The following NPC1 variants were observed in gnomAD, a reference collection of about 807,000 sequenced individuals.
NPC1 encodes Niemann-Pick C1 protein.
In NPC1, 85 loss-of-function variants were observed where a neutral mutation model predicts 140.4. The ratio of observed to expected loss-of-function variants is 0.61; its 90% confidence interval spans 0.51 to 0.72. NPC1 has a LOEUF of 0.72. Ranked by LOEUF, NPC1 falls within the 30% of genes least tolerant of loss-of-function variation. NPC1 has a pLI of 0.00. For missense variants in NPC1, 1,504 were observed against 1,623.8 expected (o/e 0.93, Z 1.27); for synonymous variants, 656 against 624.8 (o/e 1.05, Z -0.74).
chr18:23,561,985 G>A (rs928737854), intron 4 of NPC1, among the ~76,000 whole-genome samples: 2 of 152,136 alleles, frequency 1.3e-5, no homozygotes, highest in Non-Finnish European at 2.9e-5. Flanking sequence ...CAGAGGTCAC[G>A]TGTCAATAAA....
At chr18:23,550,795 C>T (rs1350450386) in intron 10 of NPC1, among the ~76,000 whole-genome samples, 2 of 152,136 alleles carry the variant, frequency 1.3e-5, no homozygotes, top group Non-Finnish European at 2.9e-5. Context: ...CCAGTTCTTA[C>T]ATTTCAATCT....
chr18:23,533,803 G>A, intron 23 of NPC1: 1 of 433,416 alleles, frequency 2.3e-6, no homozygotes, highest in Non-Finnish European at 4.3e-6. Context: ...ACCGTGGCCA[G>A]CCCTTATGGG....
rs1296661146 is a variant in NPC1, at chr18:23,556,235, C to G, written c.1326+8G>C. 1 of 1,613,348 alleles carries G rather than the reference C, an allele frequency of 6.2e-7. No individual in the cohort carries two copies. Among genetic ancestry groups the G allele is most frequent in the Non-Finnish European group, 8.5e-7 (1 of 1,179,500 alleles). On this transcript the variant is annotated splice_region_variant and intron_variant, in intron 8 of 24. Transcript: ENST00000269228. ...TAGAGTGACTTATTTCTTCAAACAG[C>G]AGGTTACCTGGTGCAGTATCTGTAT...
chr18:23,516,099 G>T (rs1035863297), intron 3 of NPC1: 14 of 1,534,202 alleles, frequency 9.1e-6, no homozygotes, highest in Non-Finnish European at 1.2e-5. Flanking sequence ...TCCTCTAGCC[G>T]TAACGTCACC....
rs1363776523 is a variant in NPC1, at chr18:23,533,428, C to T, written c.3681G>A (p.Arg1227=). 6.2e-7 allele frequency: 1 copy of T among 1,614,084 alleles called. No homozygotes were observed. Among genetic ancestry groups the T allele is most frequent in the Admixed American group, 1.7e-5 (1 of 60,022 alleles). Residue 1227 remains arginine, a synonymous_variant, in exon 24 of 25, where the codon AGG becomes AGA. Transcript: ENST00000269228. Reference sequence around the variant, plus strand: ...CCAGTAAGACCATGGCCAAATACATCCTGAAGTAGAATATCTGGAAAATTT... The same window carrying T: ...CCAGTAAGACCATGGCCAAATACATTCTGAAGTAGAATATCTGGAAAATTT... The part of the protein sequence containing the change: ...KSQIFQIFYF[R]MYLAMVLLGA...
At position 23,543,333 on chromosome 18, in the gene NPC1, A is replaced by AGAAAAAAAAAAAAG; in HGVS notation, c.2245+121_2245+122insCTTTTTTTTTTTTC. On this transcript the variant is annotated intron_variant, in intron 14 of 24. Transcript: ENST00000269228. ...GGCAGAGTGAGACTCCGTCTCAGAG[A>AGAAAAAAAAAAAAG]AAAAAAAAAAAAAGAAAAAAAAAAA... 5 of 250,332 alleles carry AGAAAAAAAAAAAAG rather than the reference A, an allele frequency of 2.0e-5. No individual in the cohort carries two copies. The African/African-American group carries it at 2.5e-4, about 13-fold the overall frequency. 15.5% of individuals were successfully genotyped at this position (250,332 alleles called of 1,614,324 possible). A position where few individuals can be genotyped will look rare whatever the true frequency, so the allele number is the denominator to read the frequency against.
rs375327908 is a variant in NPC1, at chr18:23,576,457, A to G, written c.58-2883T>C. The G allele has an allele frequency of 1.8e-5, 18 of 985,890 alleles. No homozygotes were observed. In the African/African-American group the frequency reaches 2.3e-4, roughly 12 times the overall value. The allele number at this position is 985,890 out of a possible 1,614,324, so 61.1% of individuals were successfully genotyped here. A position where few individuals can be genotyped will look rare whatever the true frequency, so the allele number is the denominator to read the frequency against. ...TCATCCTGCCGAAAGAAGCAACCTA[A>G]GCCAGCAGGACCCAAAGACTTACAA... On this transcript the variant is annotated intron_variant, in intron 1 of 24. Transcript: ENST00000269228.
downstream of NPC1, chr18:23,529,719 T>C (rs2058428154): frequency 6.2e-7 from 1 of 1,608,726 alleles, no homozygotes; most frequent in Non-Finnish European, 8.5e-7. Context: ...ACAGGTACCT[T>C]CAAATCATCT....
downstream of NPC1, among the ~76,000 whole-genome samples, chr18:23,527,144 G>C (rs2058321671): frequency 6.7e-6 from 1 of 150,134 alleles, no homozygotes; most frequent in African/African-American, 2.5e-5. Flanking sequence ...AGCACTCTGG[G>C]AGGCTGAAGC....
chr18:23,518,967 A>G (rs762774870), downstream of NPC1: 6 of 1,614,146 alleles, frequency 3.7e-6, no homozygotes, highest in East Asian at 2.2e-5. Flanking sequence ...GTGGTCCTCT[A>G]TCATCTACCA....
At chr18:23,543,381 T>C (rs1304342098) in intron 14 of NPC1, 74 bp downstream of exon 14, 2 of 821,774 alleles carry the variant, frequency 2.4e-6, no homozygotes, top group East Asian at 2.5e-5. Context: ...CAAAGGGACA[T>C]GTTCAGGTAG....
downstream of NPC1, among the ~76,000 whole-genome samples, chr18:23,517,644 TTTATGGTAG>T (rs1261665826): frequency 6.6e-6 from 1 of 152,170 alleles, no homozygotes; most frequent in Non-Finnish European, 1.5e-5. Context: ...ACTTTCAAAC[TTTATGGTAG>T]TTAGTATAAT....
At chr18:23,550,474 CA>C (rs2058852532) in intron 10 of NPC1, among the ~76,000 whole-genome samples, 2 of 73,866 alleles carry the variant, frequency 2.7e-5, no homozygotes, top group Non-Finnish European at 5.0e-5. Flanking sequence ...CCAGTTCTTA[CA>C]TTTCTTTTTT....
chr18:23,520,181 T>C, downstream of NPC1: 1 of 1,590,406 alleles, frequency 6.3e-7, no homozygotes, highest in Non-Finnish European at 8.6e-7. Flanking sequence ...TTGGCCTCAG[T>C]CTTGTCTTTT....
rs1196357617 is a variant in NPC1, at chr18:23,540,021, A to G, written c.2605-20T>C. 6.2e-7 allele frequency: 1 copy of G among 1,603,010 alleles called. No homozygotes were observed. Among genetic ancestry groups the G allele is most frequent in the Non-Finnish European group, 8.5e-7 (1 of 1,170,176 alleles). ...GGAGTCCTGAAAGAAAGATAAAAGA[A>G]TAGGAGAGAGTGTGAACACTCTGAT... On this transcript the variant is annotated intron_variant, in intron 17 of 24. Transcript: ENST00000269228.
At chr18:23,520,179 A>G (rs915810685), downstream of NPC1, 1 of 1,583,186 alleles carries the variant, frequency 6.3e-7, no homozygotes. Context: ...TTTTGGCCTC[A>G]GTCTTGTCTT....
At chr18:23,579,628 T>C (rs928549822) in intron 1 of NPC1, among the ~76,000 whole-genome samples, 8 of 152,154 alleles carry the variant, frequency 5.3e-5, no homozygotes, top group South Asian at 2.1e-4. Flanking sequence ...CAGTGGCTCA[T>C]GCCTGTAATC....
intron 12 of NPC1, 144 bp from the exon 13 acceptor site, chr18:23,544,670 A>C (rs2058759161): frequency 4.8e-6 from 4 of 833,998 alleles, no homozygotes; most frequent in Non-Finnish European, 8.0e-6. Context: ...GAGGACTTGT[A>C]AACATTTCTA....
intron 1 of NPC1, among the ~76,000 whole-genome samples, chr18:23,579,289 C>G (rs1392387693): frequency 1.3e-5 from 2 of 152,168 alleles, no homozygotes; most frequent in Non-Finnish European, 2.9e-5. Context: ...GAGGGCAGAG[C>G]CTAGGTGTGT....
Sources: gnomAD v4.1 joint callset for allele counts (sites outside exome capture counted in the v4.1 genomes callset) on GRCh38, gnomAD v4.1.1 for gene constraint, MANE v1.5 for transcripts, NCBI Gene and HGNC (gene_info 2026-07-23, HGNC 2026-07-21) for gene names.